LARGE1: variants seen among roughly 807,000 people sequenced by gnomAD.
LARGE1 encodes the protein xylosyl- and glucuronyltransferase LARGE1.
Under a neutral mutation model 87.6 loss-of-function variants are expected in LARGE1, and 43 were observed. That is an observed-to-expected ratio of 0.49 (90% CI 0.38 to 0.63). The LOEUF is 0.63. Ranked by LOEUF, LARGE1 falls within the 30% of genes least tolerant of loss-of-function variation. LARGE1 has a pLI of 0.00. For missense variants in LARGE1, 802 were observed against 1,000.2 expected, an observed-to-expected ratio of 0.80 and a Z score of 2.67; for synonymous variants, 434 against 394.6, an observed-to-expected ratio of 1.10 and a Z score of -1.18.
chr22:33,403,637 C>T (rs2065998169), intron 7 of LARGE1, among the ~76,000 whole-genome samples: 1 of 151,976 alleles, frequency 6.6e-6, no homozygotes, highest in Non-Finnish European at 1.5e-5. Context: ...GAGTTTCGTC[C>T]TTGTCACCCA....
the LARGE1 span, among the ~76,000 whole-genome samples, chr22:33,075,281 T>G: frequency 6.6e-6 from 1 of 152,030 alleles, no homozygotes; most frequent in Admixed American, 6.6e-5. Context: ...TTACTCCAAA[T>G]ACCGTGGTCT....
At chr22:33,880,311 C>T (rs1327965073) in intron 1 of LARGE1, among the ~76,000 whole-genome samples, 1 of 152,164 alleles carries the variant, frequency 6.6e-6, no homozygotes, top group Non-Finnish European at 1.5e-5. Flanking sequence ...AAATCTCAAC[C>T]ATCCGCAGCT....
chr22:33,384,937 C>T (rs2065273936), intron 7 of LARGE1, among the ~76,000 whole-genome samples: 1 of 148,706 alleles, frequency 6.7e-6, no homozygotes, highest in East Asian at 1.9e-4. Flanking sequence ...TCCGTACACA[C>T]AAAAGCAGCT....
chr22:33,778,141 C>T (rs1437334318), intron 1 of LARGE1, among the ~76,000 whole-genome samples: 2 of 152,212 alleles, frequency 1.3e-5, no homozygotes, highest in Admixed American at 6.5e-5. Flanking sequence ...CAGATGGAAA[C>T]ATGAGTTTCC....
At chr22:33,669,639 G>A (rs1164910817) in intron 2 of LARGE1, among the ~76,000 whole-genome samples, 1 of 152,206 alleles carries the variant, frequency 6.6e-6, no homozygotes, top group Non-Finnish European at 1.5e-5. Context: ...CCCACCTGCT[G>A]TGGGATAAAG....
chr22:33,458,034 A>G (rs1226813220), intron 6 of LARGE1, among the ~76,000 whole-genome samples: 3 of 152,172 alleles, frequency 2.0e-5, no homozygotes, highest in Admixed American at 6.5e-5. Context: ...ACTAGAGACC[A>G]TATCTGTAAA....
chr22:33,826,366 G>A (rs2062783487), intron 1 of LARGE1, among the ~76,000 whole-genome samples: 1 of 128,498 alleles, frequency 7.8e-6, no homozygotes, highest in Non-Finnish European at 1.6e-5. Flanking sequence ...TTTTTAAGAT[G>A]GAGTCTCGCT....
Position 33,337,674 on chromosome 22 carries a change from G to A in LARGE1, c.1259C>T (p.Pro420Leu). 1.2e-6 allele frequency: 2 copies of A among 1,614,042 alleles called. No homozygotes were observed. Among genetic ancestry groups the A allele is most frequent in the Non-Finnish European group, 1.7e-6 (2 of 1,180,016 alleles). Residue 420 changes from proline (P) to leucine (L), a missense_variant, in exon 10 of 15, where the codon CCC (proline) becomes CTC (leucine). Physicochemically the swap from Pro to Leu is moderately conservative, Grantham distance 98. Around this residue, in one of 2 missense-constraint regions of LARGE1, gnomAD observed 625 missense variants for 841.9 expected, o/e 0.74. Coordinates refer to ENST00000397394, the MANE Select transcript of LARGE1 (RefSeq NM_133642.5). Reference protein sequence around the residue: ...NLLRRELFGCPSEADVNSENL... With the variant: ...NLLRRELFGCLSEADVNSENL... Reference sequence around the variant, plus strand: ...TTCACTGTTGACATCAGCCTCACTGGGGCAGCCAAACAGTTCCCGCCTCAG... The same window carrying A: ...TTCACTGTTGACATCAGCCTCACTGAGGCAGCCAAACAGTTCCCGCCTCAG...
downstream of LARGE1, among the ~76,000 whole-genome samples, chr22:33,158,251 T>C (rs567993651): frequency 6.6e-6 from 1 of 152,266 alleles, no homozygotes; most frequent in South Asian, 2.1e-4. Context: ...AACAGCATTC[T>C]AAAATAATAA....
the LARGE1 span, among the ~76,000 whole-genome samples, chr22:33,128,802 G>A: frequency 1.3e-5 from 2 of 152,236 alleles, no homozygotes; most frequent in Non-Finnish European, 1.5e-5. Flanking sequence ...GCAGGGACAT[G>A]GATGGAGGTG....
rs1555967706 is a variant in LARGE1, at chr22:33,591,858, A to AAT, written c.615+12576_615+12577insAT. On this transcript the variant is annotated intron_variant, in intron 5 of 14. Transcript: ENST00000397394. ...CCGTCTCTCCAAAAAAAAAAAAAAA[A>AAT]TTTTTTTTTTTTTTTAAATTAGCCA... is the stretch of plus-strand genomic sequence containing the variant. 2.0e-3 allele frequency among the ~76,000 whole-genome samples: 258 copies of AAT among 129,860 alleles called. 1 individual carries two copies. In the East Asian group the frequency reaches 0.023, roughly 12 times the overall value. The allele number at this position is 129,860 out of a possible 152,430, so 85.2% of individuals were successfully genotyped here. A position where few individuals can be genotyped will look rare whatever the true frequency, so the allele number is the denominator to read the frequency against.
chr22:33,386,415 T>G (rs2065324088), intron 7 of LARGE1, among the ~76,000 whole-genome samples: 1 of 148,890 alleles, frequency 6.7e-6, no homozygotes. Context: ...TTGTTGACTC[T>G]CAGTTTCTAT....
intron 6 of LARGE1, among the ~76,000 whole-genome samples, chr22:33,558,905 C>T (rs969728690): frequency 1.4e-4 from 22 of 152,192 alleles, no homozygotes; most frequent in South Asian, 4.1e-4. Flanking sequence ...CCCATTCACT[C>T]TGGCAGGAGT....
At chr22:33,335,336 G>A (rs1938314998) in intron 10 of LARGE1, among the ~76,000 whole-genome samples, 1 of 152,152 alleles carries the variant, frequency 6.6e-6, no homozygotes, top group Admixed American at 6.5e-5. Context: ...TGCGAAGGAG[G>A]GCAGATGCTG....
intron 2 of LARGE1, among the ~76,000 whole-genome samples, chr22:33,753,824 C>G (rs1348164684): frequency 1.3e-5 from 2 of 152,078 alleles, no homozygotes; most frequent in African/African-American, 4.8e-5. Flanking sequence ...CTTTGGGAGG[C>G]CAAGGTGGGC....
intron 6 of LARGE1, among the ~76,000 whole-genome samples, chr22:33,509,405 G>A (rs1315558427): frequency 6.6e-6 from 1 of 152,154 alleles, no homozygotes; most frequent in Non-Finnish European, 1.5e-5. Context: ...TCCATTGCAA[G>A]GATGAAATGG....
chr22:33,294,755 A>T (rs1038666906), intron 12 of LARGE1, among the ~76,000 whole-genome samples: 2 of 152,096 alleles, frequency 1.3e-5, no homozygotes, highest in African/African-American at 4.8e-5. Context: ...GCCTCTGTTC[A>T]TGGTTACGTT....
chr22:33,524,039 T>C (rs2071747388), intron 6 of LARGE1, among the ~76,000 whole-genome samples: 1 of 152,044 alleles, frequency 6.6e-6, no homozygotes, highest in Non-Finnish European at 1.5e-5. Context: ...ACGACTGTAA[T>C]CCCAGCACTT....
chr22:33,197,936 T>TTA (rs1924163366), intron 11 of LARGE1, among the ~76,000 whole-genome samples: 2 of 152,056 alleles, frequency 1.3e-5, no homozygotes, highest in Non-Finnish European at 2.9e-5. Context: ...CAATGCCACA[T>TTA]AATAGAGTCC....
Sources: allele counts gnomAD v4.1 joint callset (sites outside exome capture counted in the v4.1 genomes callset), GRCh38; gene constraint gnomAD v4.1.1; regional missense constraint gnomAD v4.1.1; transcripts MANE v1.5; gene names NCBI Gene and HGNC (gene_info 2026-07-23, HGNC 2026-07-21).